The following STAB1 variants were observed in gnomAD, a reference collection of about 807,000 sequenced individuals.
STAB1 encodes stabilin 1, also known as stabilin-1.
In STAB1, 250 loss-of-function variants were observed where a neutral mutation model predicts 332.4. The observed-to-expected ratio is 0.75, with a 90% CI of 0.68 to 0.84. The LOEUF is 0.84. Among genes scored for constraint, STAB1 ranks in the 40% least tolerant of loss-of-function variants. The probability of loss-of-function intolerance (pLI) is 0.00; values close to 1 mark genes in which losing one functional copy is unlikely to be tolerated. For missense variants in STAB1, 3,249 were observed against 3,489.7 expected (o/e 0.93, Z 1.74); for synonymous variants, 1,475 against 1,390.4 (o/e 1.06, Z -1.35).
At chr3:52,503,730 G>T in intron 8 of STAB1, 42 bp from the exon 9 acceptor site, 1 of 1,611,008 alleles carries the variant, frequency 6.2e-7, no homozygotes, top group South Asian at 1.1e-5. Context: ...GTGGTTCTTG[G>T]GGTTGGACGT....
rs746143181 is a variant in STAB1 at position 52,509,856 on chromosome 3, T to C, written c.2348-14T>C. 1 of 1,612,882 alleles carries C rather than the reference T, an allele frequency of 6.2e-7. No individual in the cohort carries two copies. Among genetic ancestry groups the C allele is most frequent in the Non-Finnish European group, 8.5e-7 (1 of 1,179,946 alleles). On this transcript the variant is annotated splice_polypyrimidine_tract_variant and intron_variant, in intron 22 of 68. Transcript: ENST00000321725. ...CTGCTTCTCAGTTTCCTTGCTCCCA[T>C]CTACTCCATACAGACTGCGGCTGTG... is the stretch of plus-strand genomic sequence containing the variant.
intron 1 of STAB1, among the ~76,000 whole-genome samples, 164 bp downstream of exon 1, chr3:52,495,655 C>A (rs1199385347): frequency 6.6e-6 from 1 of 152,224 alleles, no homozygotes; most frequent in Non-Finnish European, 1.5e-5. Flanking sequence ...GTGCCCACCT[C>A]CCCAGTCTGA....
At chr3:52,518,482 C>T in intron 46 of STAB1, 54 bp from the exon 47 acceptor site, 1 of 1,562,310 alleles carries the variant, frequency 6.4e-7, no homozygotes. Flanking sequence ...CCAGGAGATC[C>T]ATGGACGCCT....
rs758817602 is a variant in STAB1 at position 52,495,418 on chromosome 3, C to T, written c.5C>T (p.Ala2Val). 2.2e-5 allele frequency: 30 copies of T among 1,338,782 alleles called. No individual in the cohort carries two copies. The highest frequency in any genetic ancestry group is 1.5e-4 in the South Asian group (6 of 39,682). The allele number at this position is 1,338,782 out of a possible 1,614,324, so 82.9% of individuals were successfully genotyped here. A position where few individuals can be genotyped will look rare whatever the true frequency, so the allele number is the denominator to read the frequency against. ...TGGACAGCGTGCCCACCAGCCATGG[C>T]GGGGCCCCGGGGCCTCCTCCCACTC... The part of the protein sequence containing the change: M[A>V]GPRGLLPLCL... The change falls in exon 1 of 69, where the codon GCG becomes GTG. Residue 2 changes from alanine to valine, a missense_variant. Physicochemically the swap from Ala to Val is moderately conservative, Grantham distance 64. Transcript: ENST00000321725.
Position 52,517,338 on chromosome 3 carries a change from TCCA to T in STAB1, c.4513_4515del (p.His1505del). 1 of 1,594,468 alleles carries T rather than the reference TCCA, an allele frequency of 6.3e-7. No homozygotes were observed. Among genetic ancestry groups the T allele is most frequent in the Non-Finnish European group, 8.5e-7 (1 of 1,172,320 alleles). ...CCCCCAGAAATTAACAGCTGTCTCA[TCCA>T]CCACGGGGGCTGCCACATTCACGCC... On this transcript the variant is annotated inframe_deletion, in exon 43 of 69. Transcript: ENST00000321725.
At position 52,506,650 on chromosome 3, in the gene STAB1, G is replaced by C. The variant is rs777591173; in HGVS notation, c.1831-42G>C. ...AGGTGGGCAGCCCCACCGGGCCAAGGCCAGCCAGGCTGGGGGTTGGCTCAG... is the reference window on the plus strand; with the variant it reads ...AGGTGGGCAGCCCCACCGGGCCAAGCCCAGCCAGGCTGGGGGTTGGCTCAG... On this transcript the variant is annotated intron_variant, in intron 17 of 68. Transcript: ENST00000321725. The C allele has an allele frequency of 8.3e-6, 13 of 1,568,748 alleles. No homozygotes were observed. In the South Asian group the frequency reaches 1.5e-4, roughly 18 times the overall value.
chr3:52,500,261 G>A (rs1559666654), intron 1 of STAB1, among the ~76,000 whole-genome samples: 1 of 152,182 alleles, frequency 6.6e-6, no homozygotes, highest in Non-Finnish European at 1.5e-5. Flanking sequence ...CCTAGGCCAG[G>A]AGCACTGTCC....
chr3:52,496,471 C>T (rs1290520380), intron 1 of STAB1, among the ~76,000 whole-genome samples: 1 of 152,242 alleles, frequency 6.6e-6, no homozygotes, highest in Non-Finnish European at 1.5e-5. Context: ...GGCCCCCTGC[C>T]ACCATCAGGC....
intron 37 of STAB1, among the ~76,000 whole-genome samples, 189 bp from the exon 38 acceptor site, chr3:52,515,854 C>T (rs955706702): frequency 6.6e-6 from 1 of 152,186 alleles, no homozygotes; most frequent in Admixed American, 6.5e-5. Context: ...TCAGTTTCCC[C>T]ACCCTGCCAG....
chr3:52,495,639 G>A (rs1707959746), intron 1 of STAB1, 148 bp downstream of exon 1: 1 of 711,586 alleles, frequency 1.4e-6, no homozygotes, highest in Non-Finnish European at 2.0e-6. Flanking sequence ...CTGGGGGCTG[G>A]CTATTGTGCC....
Position 52,523,449 on chromosome 3 carries a change from A to G in STAB1, c.7163A>G (p.Glu2388Gly). ...DNMTLSGPDLELHASNATLLS... is the reference protein window; with the variant it reads ...DNMTLSGPDLGLHASNATLLS... The stretch of plus-strand genomic sequence containing the variant: ...CAGACGCTGAGTGGCCCAGACTTGG[A>G]GCTGCATGCCTCCAACGCCACCCTC... Residue 2388 changes from glutamate to glycine, a missense_variant, in exon 65 of 69, where the codon GAG becomes GGG. Glu to Gly is a moderately conservative substitution (Grantham distance 98). Coordinates refer to ENST00000321725, the MANE Select transcript of STAB1 (RefSeq NM_015136.3). The G allele has an allele frequency of 6.2e-7, 1 of 1,609,336 alleles. No individual in the cohort carries two copies.
In STAB1 at chr3:52,522,369, G is replaced by A. The variant is rs776921828; in HGVS notation, c.6505G>A (p.Asp2169Asn). The A allele has an allele frequency of 1.4e-5, 23 of 1,612,896 alleles. No homozygotes were observed. The Admixed American group carries it at 1.7e-4, about 12-fold the overall frequency. The change falls in exon 60 of 69, where the codon GAT becomes AAT. Residue 2169 changes from aspartate to asparagine, a missense_variant. Transcript: ENST00000321725. Reference protein sequence around the residue: ...RCECHAGYVGDGLQCLEESEP... With the variant: ...RCECHAGYVGNGLQCLEESEP... ...TGAGTGCCACGCAGGCTACGTAGGC[G>A]ATGGACTGCAGTGTCTGGAGGAGTC...
In STAB1 at chr3:52,515,466, T is replaced by C. The variant is rs1374226111; in HGVS notation, c.3908T>C (p.Phe1303Ser). 4.3e-6 allele frequency: 7 copies of C among 1,613,460 alleles called. No individual in the cohort carries two copies. In the Admixed American group the frequency reaches 5.0e-5, roughly 12 times the overall value. The change falls in exon 37 of 69, where the codon TTC becomes TCC. Residue 1303 changes from phenylalanine to serine, a missense_variant. Transcript: ENST00000321725. ...KSCVYRSGFS[F>S]SRGCSYTCAK... ...TGTGTCTACCGATCTGGCTTCTCCT[T>C]CTCCCGGGGCTGCTCTTACACATGT...
At position 52,521,825 on chromosome 3, in the gene STAB1, G is replaced by A. The variant is rs202015087; in HGVS notation, c.6164-19G>A. 2 of 1,592,934 alleles carry A rather than the reference G, an allele frequency of 1.3e-6. No individual in the cohort carries two copies. Among genetic ancestry groups the A allele is most frequent in the East Asian group, 2.2e-5 (1 of 44,660 alleles). On this transcript the variant is annotated intron_variant, in intron 57 of 68. Coordinates refer to ENST00000321725, the MANE Select transcript of STAB1 (RefSeq NM_015136.3). ...GGCAACTACTAACCTGGTTCTGGGGGCTGGGCCCTGGGGGACAGAGCTGCA... is the reference window on the plus strand; with the variant it reads ...GGCAACTACTAACCTGGTTCTGGGGACTGGGCCCTGGGGGACAGAGCTGCA...
Position 52,507,947 on chromosome 3 carries a change from A to G in STAB1, c.2069A>G (p.Glu690Gly). Residue 690 changes from glutamate to glycine, a missense_variant, in exon 20 of 69, where the codon GAG (glutamate) becomes GGG (glycine). Transcript: ENST00000321725. ...NSVKLDIFPK[E>G]CVYIHDPTGL... ...CCACCCTAGGACATCTTCCCCAAGG[A>G]GTGTGTCTACATCCATGACCCAACG... is the stretch of plus-strand genomic sequence containing the variant. 2 of 1,613,574 alleles carry G rather than the reference A, an allele frequency of 1.2e-6. No individual in the cohort carries two copies. The highest frequency in any genetic ancestry group is 2.2e-5 in the South Asian group (2 of 91,066).
In STAB1 at chr3:52,514,731, C is replaced by A; in HGVS notation, c.3709C>A (p.Pro1237Thr). ...GGTGAACCATGTGCCACTGGAAGGC[C>A]CCATGCTGGAGGCCCCTGGCCGCTC... ...PEVNHVPLEG[P>T]MLEAPGRSLI... The change falls in exon 35 of 69, where the codon CCC becomes ACC. Residue 1237 changes from proline (P) to threonine (T), a missense_variant. By Grantham distance (38) the Pro-to-Thr change is conservative. Coordinates refer to ENST00000321725, the MANE Select transcript of STAB1 (RefSeq NM_015136.3). 1 of 1,613,106 alleles carries A rather than the reference C, an allele frequency of 6.2e-7. No individual in the cohort carries two copies. The highest frequency in any genetic ancestry group is 8.5e-7 in the Non-Finnish European group (1 of 1,179,998).
At chr3:52,517,710 TC>T in intron 44 of STAB1, 86 bp downstream of exon 44, 2 of 1,557,412 alleles carry the variant, frequency 1.3e-6, no homozygotes, top group Non-Finnish European at 1.8e-6. Context: ...TCCAGCAGGG[TC>T]CTAAGGGCCT....
Position 52,501,978 on chromosome 3 carries a change from C to G in STAB1, c.332-28C>G, listed in dbSNP as rs771693148. ...CAGGGTAAGCGGAGGGTTCTGGGCA[C>G]AGAGCTGAGTACTGTGGGGGTCCAC... On this transcript the variant is annotated intron_variant, in intron 3 of 68. Coordinates refer to ENST00000321725, the MANE Select transcript of STAB1 (RefSeq NM_015136.3). The G allele has an allele frequency of 1.9e-6, 3 of 1,610,476 alleles. No homozygotes were observed. In the Admixed American group the frequency reaches 5.0e-5, roughly 27 times the overall value.
Position 52,501,303 on chromosome 3 carries a change from G to A in STAB1, c.215+1G>A, listed in dbSNP as rs1180475047. On this transcript the variant is annotated splice_donor_variant, in intron 2 of 68. Transcript: ENST00000321725. LOFTEE classifies it high-confidence loss of function. ...CGGATCAGATAACCCAGGACTGCCG[G>A]TGCGGGCCACCCCTGTCCTTGCCTG... 6 of 1,612,800 alleles carry A rather than the reference G, an allele frequency of 3.7e-6. No individual in the cohort carries two copies. The highest frequency in any genetic ancestry group is 4.2e-6 in the Non-Finnish European group (5 of 1,179,788).
Sources: gnomAD v4.1 joint callset for allele counts (sites outside exome capture counted in the v4.1 genomes callset) on GRCh38, gnomAD v4.1.1 for gene constraint, MANE v1.5 for transcripts, NCBI Gene and HGNC (gene_info 2026-07-23, HGNC 2026-07-21) for gene names.